Variants in CFTR observed in about 807,000 individuals in gnomAD.
CFTR encodes CF transmembrane conductance regulator, also known as cystic fibrosis transmembrane conductance regulator.
CFTR carries 181 observed loss-of-function variants against 171.6 expected under a neutral mutation model. The observed-to-expected ratio is 1.05, with a 90% CI of 0.93 to 1.19. The LOEUF (loss-of-function observed/expected upper bound fraction) is 1.19, where lower values mean the gene tolerates loss of function less well. CFTR is among the 50% of genes most tolerant of loss of function. The pLI is 0.00. For missense variants in CFTR, 1,968 were observed against 1,734.7 expected, an observed-to-expected ratio of 1.13 and a Z score of -2.39; for synonymous variants, 583 against 608.0, an observed-to-expected ratio of 0.96 and a Z score of 0.60.
chr7:117,657,163 A>C (rs1195486880), intron 24 of CFTR, among the ~76,000 whole-genome samples: 2 of 152,234 alleles, frequency 1.3e-5, no homozygotes, highest in Non-Finnish European at 2.9e-5. Flanking sequence ...AGTATTGCCA[A>C]ATCAAAATAA....
chr7:117,571,003 A>C (rs998177755), intron 11 of CFTR, among the ~76,000 whole-genome samples: 1 of 152,210 alleles, frequency 6.6e-6, no homozygotes, highest in African/African-American at 2.4e-5. Flanking sequence ...ATAAGTCAGG[A>C]AATTTTTTTC....
intron 3 of CFTR, among the ~76,000 whole-genome samples, chr7:117,523,525 C>T (rs933071471): frequency 8.6e-5 from 13 of 151,914 alleles, no homozygotes; most frequent in South Asian, 2.1e-4. Flanking sequence ...TACAGGCGCC[C>T]GCCTCCACGC....
intron 24 of CFTR, among the ~76,000 whole-genome samples, chr7:117,659,904 C>A (rs1562927784): frequency 1.3e-5 from 2 of 152,114 alleles, no homozygotes; most frequent in African/African-American, 4.8e-5. Flanking sequence ...AGTAAAACCA[C>A]AATTCACTTT....
intron 4 of CFTR, among the ~76,000 whole-genome samples, chr7:117,533,358 T>A (rs1363714371): frequency 6.6e-6 from 1 of 152,176 alleles, no homozygotes; most frequent in Admixed American, 6.6e-5. Flanking sequence ...CAGATGATTT[T>A]TCTAACCAGG....
At chr7:117,500,396 C>T (rs769441086) in intron 1 of CFTR, among the ~76,000 whole-genome samples, 5 of 150,342 alleles carry the variant, frequency 3.3e-5, no homozygotes, top group Non-Finnish European at 5.9e-5. Context: ...AAGCAATTCT[C>T]CCACCTCAGC....
chr7:117,540,428 G>A (rs1383685275), intron 8 of CFTR, 82 bp downstream of exon 8: 16 of 1,359,012 alleles, frequency 1.2e-5, no homozygotes, highest in Admixed American at 6.5e-5. Flanking sequence ...TTGCAAAAAT[G>A]TGCGAAAAGA....
chr7:117,639,764 T>G (rs1168082280), intron 22 of CFTR, among the ~76,000 whole-genome samples: 3 of 152,184 alleles, frequency 2.0e-5, no homozygotes, highest in Non-Finnish European at 1.5e-5. Flanking sequence ...AGTTGAATCA[T>G]TCAGTGGGTA....
intron 22 of CFTR, among the ~76,000 whole-genome samples, chr7:117,631,332 C>G (rs1792741445): frequency 6.6e-6 from 1 of 152,068 alleles, no homozygotes; most frequent in Admixed American, 6.6e-5. Flanking sequence ...TAGAGAAATA[C>G]AGGTGAATAA....
At chr7:117,608,717 T>TCCTCTGGTTATACTTATGTTTTA in intron 18 of CFTR, among the ~76,000 whole-genome samples, 1 of 152,174 alleles carries the variant, frequency 6.6e-6, no homozygotes, top group African/African-American at 2.4e-5. Context: ...AATTGTGAGC[T>TCCTCTGGTTATACTTATGTTTTA]CCTCTGGTTA....
intron 20 of CFTR, among the ~76,000 whole-genome samples, chr7:117,612,803 G>A (rs1028935659): frequency 3.3e-5 from 5 of 151,946 alleles, no homozygotes; most frequent in African/African-American, 1.2e-4. Context: ...ATCTGTCCTG[G>A]GTCCATTCCT....
chr7:117,661,719 A>G (rs1793289345), intron 24 of CFTR, among the ~76,000 whole-genome samples: 1 of 152,158 alleles, frequency 6.6e-6, no homozygotes, highest in African/African-American at 2.4e-5. Context: ...TAATACTAAT[A>G]ATTACTGTAC....
chr7:117,487,380 C>T (rs572102248), intron 1 of CFTR, among the ~76,000 whole-genome samples: 11 of 152,200 alleles, frequency 7.2e-5, no homozygotes, highest in African/African-American at 2.6e-4. Context: ...ACTTAGAACT[C>T]TCCTATATAA....
chr7:117,589,656 G>T (rs1429451417), intron 12 of CFTR, among the ~76,000 whole-genome samples: 1 of 151,924 alleles, frequency 6.6e-6, no homozygotes, highest in African/African-American at 2.4e-5. Context: ...ACATTTTGTT[G>T]TGACTTACTC....
intron 23 of CFTR, among the ~76,000 whole-genome samples, chr7:117,652,546 A>G (rs1001651744): frequency 6.6e-6 from 1 of 152,094 alleles, no homozygotes. Context: ...TAGGAATAAA[A>G]TTTTTTAATA....
At chr7:117,609,295 T>C (rs1792346324) in intron 18 of CFTR, among the ~76,000 whole-genome samples, 1 of 152,226 alleles carries the variant, frequency 6.6e-6, no homozygotes, top group South Asian at 2.1e-4. Context: ...TTGAAGGGTC[T>C]CAGATTTGTC....
chr7:117,565,847 C>A (rs1028786176), intron 11 of CFTR, among the ~76,000 whole-genome samples: 1 of 151,808 alleles, frequency 6.6e-6, no homozygotes, highest in Non-Finnish European at 1.5e-5. Context: ...GGGAAATTGG[C>A]AAGAAGTATG....
chr7:117,611,084 C>T (rs1792378028), intron 19 of CFTR, among the ~76,000 whole-genome samples: 1 of 152,106 alleles, frequency 6.6e-6, no homozygotes, highest in South Asian at 2.1e-4. Flanking sequence ...GTTGGAGCTG[C>T]CATTTCGTGT....
At chr7:117,605,360 A>G (rs1792285391) in intron 17 of CFTR, among the ~76,000 whole-genome samples, 4 of 152,342 alleles carry the variant, frequency 2.6e-5, no homozygotes, top group East Asian at 1.9e-4. Flanking sequence ...TAAAGAATGT[A>G]TTAATAAATA....
chr7:117,600,051 T>TA lies in CFTR; in HGVS notation c.2620-2774dup, dbSNP rs1792199162. On this transcript the variant is annotated intron_variant, in intron 15 of 26. Transcript: ENST00000003084. ...TCATATTTCAATTTAGATTTTTTTT[T>TA]ATAGGTTAGGTAAAATAGGCTTCCC... Among the ~76,000 whole-genome samples the TA allele has an allele frequency of 5.3e-5, 8 of 152,162 alleles. No homozygotes were observed. In the South Asian group the frequency reaches 1.7e-3, roughly 32 times the overall value.
Sources: allele counts gnomAD v4.1 joint callset (sites outside exome capture counted in the v4.1 genomes callset), GRCh38; gene constraint gnomAD v4.1.1; transcripts MANE v1.5; gene names NCBI Gene and HGNC (gene_info 2026-07-23, HGNC 2026-07-21).